Variants in FBF1 observed in about 807,000 individuals in gnomAD.
The protein encoded by FBF1 is Fas binding factor 1.
A neutral mutation model predicts 147.2 loss-of-function variants in FBF1; 119 were observed. The ratio of observed to expected loss-of-function variants is 0.81; its 90% CI spans 0.70 to 0.94. The LOEUF is 0.94. Among genes scored for constraint, FBF1 ranks in the 40% least tolerant of loss-of-function variants. The probability of loss-of-function intolerance (pLI) is 0.00; values close to 1 mark genes in which losing one functional copy is unlikely to be tolerated. For missense variants in FBF1, 1,449 were observed against 1,500.8 expected, an observed-to-expected ratio of 0.97 and a Z score of 0.57; for synonymous variants, 601 against 609.0, an observed-to-expected ratio of 0.99 and a Z score of 0.19.
Position 75,926,078 on chromosome 17 carries a change from C to G in FBF1, c.820G>C (p.Gly274Arg). Reference sequence around the variant, plus strand: ...TCTAGCTTGAACTCCCTGTGCTCCCCGGTGCCCGGGCGGGCCAGGAGTTTG... The same window carrying G: ...TCTAGCTTGAACTCCCTGTGCTCCCGGGTGCCCGGGCGGGCCAGGAGTTTG... ...ATKLLARPGT[G>R]EHREFKLDKK... The change falls in exon 12 of 30, where the codon GGG (glycine) becomes CGG (arginine). Residue 274 changes from glycine to arginine, a missense_variant. Transcript: ENST00000636174. 3 of 1,612,562 alleles carry G rather than the reference C, an allele frequency of 1.9e-6. No individual in the cohort carries two copies. The highest frequency in any genetic ancestry group is 2.5e-6 in the Non-Finnish European group (3 of 1,179,816).
At chr17:75,927,340 ACCAGTGGCAC>A (rs2065568336) in intron 9 of FBF1, 105 bp downstream of exon 9, 4 of 804,372 alleles carry the variant, frequency 5.0e-6, no homozygotes, top group Non-Finnish European at 8.0e-6. Context: ...GAGGAAGTAA[ACCAGTGGCAC>A]CCATGTGACA....
Position 75,925,897 on chromosome 17 carries a change from G to T in FBF1, c.868+133C>A. The T allele has an allele frequency of 7.9e-7, 1 of 1,266,506 alleles. No homozygotes were observed. The highest frequency in any genetic ancestry group is 1.1e-6 in the Non-Finnish European group (1 of 944,454). 78.5% of individuals were successfully genotyped at this position (1,266,506 alleles called of 1,614,324 possible). A position where few individuals can be genotyped will look rare whatever the true frequency, so the allele number is the denominator to read the frequency against. The stretch of plus-strand genomic sequence containing the variant: ...ATTATTTCACGGTAAGTATTATTTT[G>T]TCTCAGCTATAGACGTGTATAATCA... On this transcript the variant is annotated intron_variant, in intron 12 of 29. Transcript: ENST00000636174. The surrounding 1 kb of genome is among the most constrained non-coding windows in gnomAD (Gnocchi z 5.0).
In FBF1 at chr17:75,927,535, G is replaced by A. The variant is rs766563442; in HGVS notation, c.398-3C>T. ...CTTCTTGGTGGGAATGGCACCCCCT[G>A]CAGGAAGCAGAAGACAAGGTCATGG... is the stretch of plus-strand genomic sequence containing the variant. On this transcript the variant is annotated splice_region_variant and splice_polypyrimidine_tract_variant and intron_variant, in intron 8 of 29. Coordinates refer to ENST00000636174, the MANE Select transcript of FBF1 (RefSeq NM_001319193.2). 6.9e-6 allele frequency: 11 copies of A among 1,596,812 alleles called. No homozygotes were observed. In the Admixed American group the frequency reaches 1.2e-4, roughly 18 times the overall value.
At chr17:75,926,639 G>T in intron 10 of FBF1, 119 bp downstream of exon 10, 1 of 1,439,310 alleles carries the variant, frequency 6.9e-7, no homozygotes, top group South Asian at 1.3e-5. Context: ...CTTTGTACTG[G>T]ACCTTAGACC....
rs2065478994 is a variant in FBF1 at position 75,914,894 on chromosome 17, C to G, written c.2667G>C (p.Lys889Asn). ...CCAGGCGCCGCCGCTCCTCCCCGCA[C>G]TTGAGCATGACAGACTTCTGCTCCT... ...LLEEQKSVML[K>N]CGEERRRLAA... The change falls in exon 25 of 30, where the codon AAG (lysine) becomes AAC (asparagine). Residue 889 changes from lysine (K) to asparagine (N), a missense_variant. By Grantham distance (94) the Lys-to-Asn change is moderately conservative. Coordinates refer to ENST00000636174, the MANE Select transcript of FBF1 (RefSeq NM_001319193.2). The G allele has an allele frequency of 1.2e-6, 2 of 1,612,298 alleles. No individual in the cohort carries two copies. The highest frequency in any genetic ancestry group is 1.7e-6 in the Non-Finnish European group (2 of 1,179,636).
intron 29 of FBF1, 113 bp downstream of exon 29, chr17:75,912,079 C>T (rs1457478212): frequency 6.9e-6 from 7 of 1,018,564 alleles, no homozygotes; most frequent in Non-Finnish European, 1.0e-5. Context: ...CAGTTTTACT[C>T]CCCAGGAGCT....
In FBF1 at chr17:75,914,177, T is replaced by C; in HGVS notation, c.2936A>G (p.Asn979Ser). 1 of 1,597,826 alleles carries C rather than the reference T, an allele frequency of 6.3e-7. No homozygotes were observed. The highest frequency in any genetic ancestry group is 1.3e-5 in the African/African-American group (1 of 74,820). The change falls in exon 26 of 30, where the codon AAC (asparagine) becomes AGC (serine). Residue 979 changes from asparagine (N) to serine (S), a missense_variant. Asn to Ser is a conservative substitution (Grantham distance 46). Coordinates refer to ENST00000636174, the MANE Select transcript of FBF1 (RefSeq NM_001319193.2). ...QELRLEKERI[N>S]ATALRVKLRA... ...GAGCTTGACACGCAGGGCGGTGGCG[T>C]TGATCCTCTCCTTCTCCAGCCGCAG...
rs888808677 is a variant in FBF1, at chr17:75,914,179, G to C, written c.2934C>G (p.Ile978Met). 1.9e-6 allele frequency: 3 copies of C among 1,596,882 alleles called. No homozygotes were observed. The African/African-American group carries it at 4.0e-5, about 21-fold the overall frequency. The change falls in exon 26 of 30, where the codon ATC becomes ATG. Residue 978 changes from isoleucine to methionine, a missense_variant. Physicochemically the swap from Ile to Met is conservative, Grantham distance 10 (BLOSUM62 1). Coordinates refer to ENST00000636174, the MANE Select transcript of FBF1 (RefSeq NM_001319193.2). Reference protein sequence around the residue: ...RQELRLEKERINATALRVKLR... With the variant: ...RQELRLEKERMNATALRVKLR... ...GCTTGACACGCAGGGCGGTGGCGTT[G>C]ATCCTCTCCTTCTCCAGCCGCAGCT...
intron 28 of FBF1, among the ~76,000 whole-genome samples, chr17:75,913,172 G>A (rs1439826132): frequency 4.7e-4 from 66 of 140,148 alleles, no homozygotes; most frequent in Admixed American, 7.2e-4. Context: ...TTTTTTAAAC[G>A]GAGTCTTGCT....
intron 17 of FBF1, 97 bp from the exon 18 acceptor site, chr17:75,920,526 G>C: frequency 1.5e-6 from 2 of 1,307,282 alleles, no homozygotes; most frequent in Non-Finnish European, 2.1e-6. Context: ...GGACCTCCCT[G>C]CATCTGATCT....
At chr17:75,929,819 C>T (rs1345026456) in intron 7 of FBF1, among the ~76,000 whole-genome samples, 178 bp downstream of exon 7, 1 of 152,150 alleles carries the variant, frequency 6.6e-6, no homozygotes, top group Non-Finnish European at 1.5e-5. Flanking sequence ...CTGGTTGATA[C>T]TCAGAAAGGC....
chr17:75,921,294 T>C lies in FBF1; in HGVS notation c.1624A>G (p.Thr542Ala). 1 of 1,590,748 alleles carries C rather than the reference T, an allele frequency of 6.3e-7. No homozygotes were observed. The highest frequency in any genetic ancestry group is 8.6e-7 in the Non-Finnish European group (1 of 1,168,670). ...GGTTTCTGGGTGCTCGGGAAACACG[T>C]GGCAGGCTCTGAAACATCAACAACA... ...PGDLSATEPA[T>A]CFPSTQKPTE... The change falls in exon 17 of 30, where the codon ACG becomes GCG. Residue 542 changes from threonine (T) to alanine (A), a missense_variant. Transcript: ENST00000636174.
chr17:75,925,322 C>T lies in FBF1; in HGVS notation c.968+25G>A. 1 of 1,598,736 alleles carries T rather than the reference C, an allele frequency of 6.3e-7. No homozygotes were observed. Among genetic ancestry groups the T allele is most frequent in the Non-Finnish European group, 8.5e-7 (1 of 1,169,984 alleles). ...CAGTGGCCGACCTGTCTCAAGAGGC[C>T]AAGCCTCCTGCAGGCCCCACTTACC... On this transcript the variant is annotated intron_variant, in intron 13 of 29. Transcript: ENST00000636174. The surrounding 1 kb of genome is among the most constrained non-coding windows in gnomAD (Gnocchi z 5.0).
chr17:75,919,722 G>A lies in FBF1; in HGVS notation c.2084C>T (p.Ala695Val), dbSNP rs113062332. The A allele has an allele frequency of 0.026, 42,293 of 1,612,510 alleles. 671 individuals carry two copies. The highest frequency in any genetic ancestry group is 0.032 in the Non-Finnish European group (37,258 of 1,179,678). Reference sequence around the variant, plus strand: ...CTGGTCCTTCTCCTGCGCTATGGCCGCCAAGCGCCGCTGGTGCTGGGCCGT... The same window carrying A: ...CTGGTCCTTCTCCTGCGCTATGGCCACCAAGCGCCGCTGGTGCTGGGCCGT... ...ELTAQHQRRL[A>V]AIAQEKDQEM... is the part of the protein sequence containing the mutation. Residue 695 changes from alanine (A) to valine (V), a missense_variant, in exon 20 of 30, where the codon GCG becomes GTG. By Grantham distance (64) the Ala-to-Val change is moderately conservative. Coordinates refer to ENST00000636174, the MANE Select transcript of FBF1 (RefSeq NM_001319193.2). This position sits in a 1 kb window ranked among gnomAD's most constrained non-coding sequence, Gnocchi z 5.0.
rs917060926 is a variant in FBF1 at position 75,914,112 on chromosome 17, C to T, written c.2991+10G>A. 1.3e-6 allele frequency: 2 copies of T among 1,597,366 alleles called. No individual in the cohort carries two copies. The highest frequency in any genetic ancestry group is 1.3e-5 in the African/African-American group (1 of 74,904). On this transcript the variant is annotated intron_variant, in intron 26 of 29. Coordinates refer to ENST00000636174, the MANE Select transcript of FBF1 (RefSeq NM_001319193.2). ...TCAGATGCGCCCACGCCCATGTGCC[C>T]GAGCAGCACCTTGCTCATGCTCTCC...
chr17:75,937,918 C>T, intron 2 of FBF1: 2 of 645,606 alleles, frequency 3.1e-6, no homozygotes, highest in South Asian at 1.9e-5. Flanking sequence ...CTCCTCAATA[C>T]CAGTGACAGA....
At chr17:75,929,945 ACCCCACC>A in intron 7 of FBF1, 45 bp downstream of exon 7, 2 of 650,904 alleles carry the variant, frequency 3.1e-6, no homozygotes, top group Non-Finnish European at 5.6e-6. Flanking sequence ...AAATATCATG[ACCCCACC>A]CCACCCACCC....
chr17:75,926,142 G>C lies in FBF1; in HGVS notation c.756C>G (p.Arg252=). Residue 252 remains arginine, a synonymous_variant, in exon 12 of 30, where the codon CGC becomes CGG. Transcript: ENST00000636174. ...IGDQEGPRPA[R]STLDELLGRG... ...GACCCAGCAGCTCATCCAGCGTGGA[G>C]CGAGCAGGGCGAGGCCCTTCCCTGC... The C allele has an allele frequency of 6.2e-7, 1 of 1,608,686 alleles. No homozygotes were observed. The highest frequency in any genetic ancestry group is 8.5e-7 in the Non-Finnish European group (1 of 1,178,236).
rs2144151026 is a variant in FBF1 at position 75,913,693 on chromosome 17, GC to G, written c.3247+8del. 6.3e-7 allele frequency: 1 copy of G among 1,583,570 alleles called. No individual in the cohort carries two copies. The highest frequency in any genetic ancestry group is 2.3e-5 in the East Asian group (1 of 44,232). ...TGAGCCGCCGGCCCTTCCTTCTGGA[GC>G]CACTCACCACTCTGGCTGGAGGCTG... On this transcript the variant is annotated splice_region_variant and intron_variant, in intron 28 of 29. Coordinates refer to ENST00000636174, the MANE Select transcript of FBF1 (RefSeq NM_001319193.2).
Sources: allele counts gnomAD v4.1 joint callset (sites outside exome capture counted in the v4.1 genomes callset), GRCh38; gene constraint gnomAD v4.1.1; non-coding constraint Gnocchi (gnomAD v3.1); transcripts MANE v1.5; gene names NCBI Gene and HGNC (gene_info 2026-07-23, HGNC 2026-07-21).